The following CHCHD3 variants were observed in gnomAD, a reference collection of about 807,000 sequenced individuals.
CHCHD3 encodes coiled-coil-helix-coiled-coil-helix domain containing 3.
CHCHD3 carries 20 observed loss-of-function variants against 38.2 expected under a neutral mutation model. That is an observed-to-expected ratio of 0.52 (90% CI 0.37 to 0.76). CHCHD3 has a LOEUF of 0.76. Among genes scored for constraint, CHCHD3 ranks in the 30% least tolerant of loss-of-function variants. The pLI is 0.00. For synonymous variants in CHCHD3, 82 were observed against 100.0 expected, an observed-to-expected ratio of 0.82 and a Z score of 1.07; for missense variants, 245 against 279.2, an observed-to-expected ratio of 0.88 and a Z score of 0.87.
At chr7:133,017,607 T>C (rs900889555) in intron 3 of CHCHD3, among the ~76,000 whole-genome samples, 3 of 152,124 alleles carry the variant, frequency 2.0e-5, no homozygotes, top group African/African-American at 7.2e-5. Flanking sequence ...AAAAGAAACA[T>C]GTGAACAAGA....
intron 5 of CHCHD3, among the ~76,000 whole-genome samples, chr7:132,859,671 A>G (rs906084507): frequency 2.6e-5 from 4 of 152,212 alleles, no homozygotes; most frequent in African/African-American, 9.6e-5. Context: ...GCTTCCCTGG[A>G]TAAATTAGCA....
intron 2 of CHCHD3, among the ~76,000 whole-genome samples, chr7:133,066,230 T>G (rs1047894087): frequency 6.6e-6 from 1 of 151,790 alleles, no homozygotes; most frequent in Non-Finnish European, 1.5e-5. Context: ...AGTTCTAGCC[T>G]GACCACTAAA....
chr7:132,852,248 A>C (rs1403608164), intron 5 of CHCHD3, among the ~76,000 whole-genome samples: 1 of 152,190 alleles, frequency 6.6e-6, no homozygotes, highest in African/African-American at 2.4e-5. Flanking sequence ...TGAAGAGCTA[A>C]TATGGGCCAG....
At chr7:133,079,759 T>A (rs1815114247) in intron 1 of CHCHD3, among the ~76,000 whole-genome samples, 1 of 152,150 alleles carries the variant, frequency 6.6e-6, no homozygotes, top group Non-Finnish European at 1.5e-5. Context: ...CAGACAAAAA[T>A]CACACAGGCA....
intron 4 of CHCHD3, among the ~76,000 whole-genome samples, chr7:132,913,297 A>T (rs1211885923): frequency 2.0e-5 from 3 of 152,194 alleles, no homozygotes; most frequent in African/African-American, 4.8e-5. Context: ...AAATGGGGAG[A>T]CAAATAAATT....
chr7:132,998,575 G>GA (rs548061390), intron 3 of CHCHD3, among the ~76,000 whole-genome samples: 1 of 152,204 alleles, frequency 6.6e-6, no homozygotes, highest in South Asian at 2.1e-4. Flanking sequence ...GCCAAAGGTG[G>GA]AAAAAATAAT....
chr7:132,847,186 C>T (rs539574519), intron 5 of CHCHD3: 1 of 152,278 alleles, frequency 6.6e-6, no homozygotes, highest in East Asian at 1.9e-4. Flanking sequence ...TACTTCCACC[C>T]CTTCGGCTAC....
At chr7:132,991,100 A>G (rs998382214) in intron 3 of CHCHD3, among the ~76,000 whole-genome samples, 1 of 152,090 alleles carries the variant, frequency 6.6e-6, no homozygotes, top group African/African-American at 2.4e-5. Context: ...AAAGTCCCTT[A>G]TTATTTTTGT....
chr7:132,838,544 A>C (rs1807854051), intron 5 of CHCHD3, 75 bp from the exon 6 acceptor site: 1 of 1,082,402 alleles, frequency 9.2e-7, no homozygotes, highest in East Asian at 2.4e-5. Flanking sequence ...CAACTTCAAA[A>C]AACACATAAA....
At chr7:132,975,012 T>C in intron 4 of CHCHD3, 157 bp downstream of exon 4, 1 of 595,964 alleles carries the variant, frequency 1.7e-6, no homozygotes, top group Admixed American at 2.8e-5. Flanking sequence ...AAACCTAAAC[T>C]GTAAGCTACT....
At position 132,796,549 on chromosome 7, in the gene CHCHD3, C is replaced by T. The variant is rs1214629959; in HGVS notation, c.553G>A (p.Asp185Asn). Residue 185 changes from aspartate to asparagine, a missense_variant, in exon 7 of 8, where the codon GAT becomes AAT. Transcript: ENST00000262570. ...KRYESHPVCA[D>N]LQAKILQCYR... ...CACTGAAGAATTTTGGCCTGCAGAT[C>T]AGCACAGACTGGATGAGACTCATAT... is the stretch of plus-strand genomic sequence containing the variant. 9.9e-6 allele frequency: 16 copies of T among 1,613,856 alleles called. No homozygotes were observed. Among genetic ancestry groups the T allele is most frequent in the Non-Finnish European group, 1.1e-5 (13 of 1,179,832 alleles).
At chr7:133,056,763 C>T (rs889067751) in intron 2 of CHCHD3, among the ~76,000 whole-genome samples, 3 of 152,170 alleles carry the variant, frequency 2.0e-5, no homozygotes, top group African/African-American at 7.2e-5. Flanking sequence ...ACTTAGTGAT[C>T]ACCTGCTATA....
chr7:133,009,727 C>T (rs1341538861), intron 3 of CHCHD3, among the ~76,000 whole-genome samples: 1 of 152,056 alleles, frequency 6.6e-6, no homozygotes, highest in African/African-American at 2.4e-5. Flanking sequence ...GACTTCTGTC[C>T]CAACAGACAA....
chr7:132,899,644 C>T (rs1809615147), intron 4 of CHCHD3, among the ~76,000 whole-genome samples: 1 of 152,150 alleles, frequency 6.6e-6, no homozygotes. Context: ...TCCGATTGAA[C>T]TTATGGAATA....
chr7:132,819,299 C>G (rs988692295), intron 6 of CHCHD3, among the ~76,000 whole-genome samples: 3 of 152,174 alleles, frequency 2.0e-5, no homozygotes, highest in Non-Finnish European at 4.4e-5. Flanking sequence ...TATTAGATCC[C>G]TTTCAGAGTA....
chr7:132,844,952 C>T (rs1797124321), intron 5 of CHCHD3: 1 of 152,192 alleles, frequency 6.6e-6, no homozygotes, highest in African/African-American at 2.4e-5. Flanking sequence ...AAAACATGGG[C>T]AACAAACTGT....
intron 4 of CHCHD3, among the ~76,000 whole-genome samples, chr7:132,957,540 T>C (rs2117299799): frequency 6.6e-6 from 1 of 152,264 alleles, no homozygotes; most frequent in South Asian, 2.1e-4. Flanking sequence ...TGCAGTGCAG[T>C]GCCACGATCT....
chr7:132,855,695 T>C (rs1191575569), intron 5 of CHCHD3, among the ~76,000 whole-genome samples: 1 of 152,120 alleles, frequency 6.6e-6, no homozygotes, highest in African/African-American at 2.4e-5. Context: ...GTATTTTATA[T>C]GCTACCAAGT....
At chr7:132,839,568 G>T (rs1807886783) in intron 5 of CHCHD3, among the ~76,000 whole-genome samples, 2 of 152,202 alleles carry the variant, frequency 1.3e-5, no homozygotes, top group South Asian at 4.1e-4. Flanking sequence ...AGTCTATTGT[G>T]TACCTTTCAT....
Sources: allele counts gnomAD v4.1 joint callset (sites outside exome capture counted in the v4.1 genomes callset), GRCh38; gene constraint gnomAD v4.1.1; transcripts MANE v1.5; gene names NCBI Gene and HGNC (gene_info 2026-07-23, HGNC 2026-07-21).